Variants in ADAMTS20 observed in about 807,000 individuals in gnomAD.
ADAMTS20 encodes ADAM metallopeptidase with thrombospondin type 1 motif 20.
ADAMTS20 carries 225 observed loss-of-function variants against 260.1 expected under a neutral mutation model. The observed-to-expected ratio is 0.87, with a 90% CI of 0.78 to 0.97. The LOEUF (loss-of-function observed/expected upper bound fraction) is 0.97, where lower values mean the gene tolerates loss of function less well. ADAMTS20 is among the 50% of genes least tolerant of loss of function. The probability of loss-of-function intolerance (pLI) is 0.00; values close to 1 mark genes in which losing one functional copy is unlikely to be tolerated. For missense variants in ADAMTS20, 2,400 were observed against 2,337.7 expected (o/e 1.03, Z -0.55); for synonymous variants, 802 against 769.5 (o/e 1.04, Z -0.70).
chr12:43,460,258 C>T (rs542466152), intron 11 of ADAMTS20, among the ~76,000 whole-genome samples: 1 of 152,228 alleles, frequency 6.6e-6, no homozygotes, highest in East Asian at 1.9e-4. Flanking sequence ...TCACATTTAC[C>T]TTGAATCTCA....
At chr12:43,454,203 T>A (rs1459847225) in intron 11 of ADAMTS20, among the ~76,000 whole-genome samples, 151 bp from the exon 12 acceptor site, 1 of 152,238 alleles carries the variant, frequency 6.6e-6, no homozygotes. Flanking sequence ...GAAATGATTT[T>A]ATGAATATTT....
chr12:43,384,918 T>G (rs1283421554), intron 29 of ADAMTS20, among the ~76,000 whole-genome samples: 2 of 152,218 alleles, frequency 1.3e-5, no homozygotes, highest in African/African-American at 4.8e-5. Context: ...TATAAACATA[T>G]GTGTGCATGC....
At chr12:43,509,191 T>C (rs1481832783) in intron 3 of ADAMTS20, among the ~76,000 whole-genome samples, 1 of 152,134 alleles carries the variant, frequency 6.6e-6, no homozygotes, top group East Asian at 1.9e-4. Flanking sequence ...TCTTTGCTAT[T>C]GGAAATAGTG....
intron 3 of ADAMTS20, among the ~76,000 whole-genome samples, chr12:43,531,668 A>C (rs1275012227): frequency 6.6e-6 from 1 of 152,154 alleles, no homozygotes. Flanking sequence ...TTCAAAGGGC[A>C]TAAAATTTCA....
chr12:43,429,242 C>T (rs1592063834), intron 24 of ADAMTS20, among the ~76,000 whole-genome samples: 2 of 151,988 alleles, frequency 1.3e-5, no homozygotes, highest in South Asian at 2.1e-4. Flanking sequence ...ATTTTAGCAA[C>T]GTATACTCCA....
intron 18 of ADAMTS20, among the ~76,000 whole-genome samples, chr12:43,437,233 A>G (rs1339870558): frequency 1.3e-5 from 2 of 152,332 alleles, no homozygotes; most frequent in Non-Finnish European, 1.5e-5. Flanking sequence ...TGTTATGAGA[A>G]GAAACATTAA....
At chr12:43,499,132 C>T (rs1031512342) in intron 4 of ADAMTS20, among the ~76,000 whole-genome samples, 4 of 152,090 alleles carry the variant, frequency 2.6e-5, no homozygotes, top group Admixed American at 2.0e-4. Flanking sequence ...GGGAGACTTA[C>T]CCTCCTTAAT....
chr12:43,438,624 C>G (rs958561520), intron 18 of ADAMTS20, among the ~76,000 whole-genome samples: 1 of 152,138 alleles, frequency 6.6e-6, no homozygotes, highest in Non-Finnish European at 1.5e-5. Context: ...GGCACCTCGT[C>G]AGGTCAGATG....
At chr12:43,531,006 A>G (rs1243335856) in intron 3 of ADAMTS20, among the ~76,000 whole-genome samples, 2 of 151,944 alleles carry the variant, frequency 1.3e-5, no homozygotes, top group African/African-American at 2.4e-5. Flanking sequence ...AAACTCTCAA[A>G]AACAGGAGAT....
chr12:43,436,789 C>G (rs183828868), intron 18 of ADAMTS20, among the ~76,000 whole-genome samples: 24 of 152,288 alleles, frequency 1.6e-4, no homozygotes, highest in Admixed American at 6.5e-4. Flanking sequence ...CTCCTGCTGG[C>G]ACCATGCCAA....
At chr12:43,511,706 G>A (rs1942926485) in intron 3 of ADAMTS20, among the ~76,000 whole-genome samples, 1 of 152,090 alleles carries the variant, frequency 6.6e-6, no homozygotes, top group Admixed American at 6.6e-5. Context: ...CTAAAATTAA[G>A]TACAATGTTA....
At chr12:43,482,211 C>T (rs539420249) in intron 7 of ADAMTS20, among the ~76,000 whole-genome samples, 6 of 152,294 alleles carry the variant, frequency 3.9e-5, no homozygotes, top group Admixed American at 2.0e-4. Flanking sequence ...GAGAGAAGCT[C>T]CCAAATGAGG....
intron 28 of ADAMTS20, among the ~76,000 whole-genome samples, chr12:43,403,139 C>T (rs1436634617): frequency 6.6e-6 from 1 of 152,034 alleles, no homozygotes; most frequent in Non-Finnish European, 1.5e-5. Context: ...TCCCCTCTAA[C>T]ATGATAACTT....
At chr12:43,518,243 T>C (rs1263014657) in intron 3 of ADAMTS20, among the ~76,000 whole-genome samples, 1 of 152,136 alleles carries the variant, frequency 6.6e-6, no homozygotes, top group Non-Finnish European at 1.5e-5. Flanking sequence ...TATGCAAATA[T>C]TCTCAAGCAC....
rs1475950320 is a variant in ADAMTS20, at chr12:43,431,202, G to T, written c.3261+130C>A. 6.4e-6 allele frequency: 5 copies of T among 781,426 alleles called. No individual in the cohort carries two copies. The Admixed American group carries it at 1.2e-4, about 19-fold the overall frequency. The allele number at this position is 781,426 out of a possible 1,614,324, so 48.4% of individuals were successfully genotyped here. The stretch of plus-strand genomic sequence containing the variant: ...TACACATAAAGATTCACATTTCAGG[G>T]TTGCTGTTGTTTTTTAATAAACCAA... On this transcript the variant is annotated intron_variant, in intron 22 of 38. Transcript: ENST00000389420.
At chr12:43,483,986 G>C (rs1942480931) in intron 7 of ADAMTS20, among the ~76,000 whole-genome samples, 1 of 152,100 alleles carries the variant, frequency 6.6e-6, no homozygotes, top group African/African-American at 2.4e-5. Context: ...AGGAGACAGT[G>C]AACCCATAGA....
chr12:43,396,772 C>T (rs1453887354), intron 29 of ADAMTS20, among the ~76,000 whole-genome samples: 1 of 152,092 alleles, frequency 6.6e-6, no homozygotes, highest in Non-Finnish European at 1.5e-5. Context: ...TTTGTTACCA[C>T]GGATGATGGA....
rs545300537 is a variant in ADAMTS20, at chr12:43,460,115, A to G, written c.1614+2780T>C. On this transcript the variant is annotated intron_variant, in intron 11 of 38. Coordinates refer to ENST00000389420, the MANE Select transcript of ADAMTS20 (RefSeq NM_025003.5). Reference sequence around the variant, plus strand: ...TTTATTTAATACTGAATACAGCTAAATATATAGGGGTTCACTGTGTTTTAT... The same window carrying G: ...TTTATTTAATACTGAATACAGCTAAGTATATAGGGGTTCACTGTGTTTTAT... Among the ~76,000 whole-genome samples the G allele has an allele frequency of 1.7e-3, 255 of 152,362 alleles. 3 individuals carry two copies. The highest frequency in any genetic ancestry group is 0.011 in the South Asian group (53 of 4,828).
At chr12:43,433,680 GCA>G (rs928256750) in intron 19 of ADAMTS20, 47 of 319,100 alleles carry the variant, frequency 1.5e-4, no homozygotes, top group South Asian at 3.7e-4. Context: ...GACCAATCAC[GCA>G]CACACACACA....
Sources: gnomAD v4.1 joint callset for allele counts (sites outside exome capture counted in the v4.1 genomes callset) on GRCh38, gnomAD v4.1.1 for gene constraint, MANE v1.5 for transcripts, NCBI Gene and HGNC (gene_info 2026-07-23, HGNC 2026-07-21) for gene names.